Variants in PRKCQ observed in about 807,000 individuals in gnomAD.
PRKCQ encodes protein kinase C theta.
A neutral mutation model predicts 91.2 loss-of-function variants in PRKCQ; 41 were observed. The ratio of observed to expected loss-of-function variants is 0.45; its 90% confidence interval spans 0.35 to 0.58. The LOEUF is 0.58. Among genes scored for constraint, PRKCQ ranks in the 20% least tolerant of loss-of-function variants. The pLI is 0.00. For synonymous variants in PRKCQ, 307 were observed against 316.9 expected (o/e 0.97, Z 0.33); for missense variants, 673 against 896.5 (o/e 0.75, Z 3.18).
intron 15 of PRKCQ, among the ~76,000 whole-genome samples, chr10:6,447,887 G>C (rs1834410970): frequency 6.6e-6 from 1 of 152,288 alleles, no homozygotes; most frequent in South Asian, 2.1e-4. Context: ...ACACAAGAGA[G>C]GCTAACATTT....
the PRKCQ span, among the ~76,000 whole-genome samples, chr10:6,394,313 C>T: frequency 6.6e-6 from 1 of 152,334 alleles, no homozygotes; most frequent in African/African-American, 2.4e-5. Flanking sequence ...CCTGGCGCCT[C>T]TGCAGTCTGC....
rs1835030228 is a variant in PRKCQ, at chr10:6,456,749, T to A, written c.1572A>T (p.Gly524=). Reference sequence around the variant, plus strand: ...CTCCTAACATGTTCTCCTTGCACATTCCAAAATCCGCGATCTTGATATGTC... The same window carrying A: ...CTCCTAACATGTTCTCCTTGCACATACCAAAATCCGCGATCTTGATATGTC... ...KDGHIKIADF[G]MCKENMLGDA... Residue 524 remains glycine, a synonymous_variant, in exon 15 of 18, where the codon GGA becomes GGT. Coordinates refer to ENST00000263125, the MANE Select transcript of PRKCQ (RefSeq NM_006257.5). 6.2e-7 allele frequency: 1 copy of A among 1,614,130 alleles called. No homozygotes were observed. The highest frequency in any genetic ancestry group is 8.5e-7 in the Non-Finnish European group (1 of 1,179,992).
At chr10:6,443,450 T>C (rs1200822721) in intron 15 of PRKCQ, among the ~76,000 whole-genome samples, 1 of 152,232 alleles carries the variant, frequency 6.6e-6, no homozygotes, top group Admixed American at 6.5e-5. Flanking sequence ...GAAACTGTGC[T>C]ATATATACAC....
At chr10:6,478,658 T>C (rs974568976) in intron 12 of PRKCQ, among the ~76,000 whole-genome samples, 9 of 152,240 alleles carry the variant, frequency 5.9e-5, no homozygotes, top group African/African-American at 2.2e-4. Context: ...TTCCAGTACA[T>C]GCAGGGTAGA....
upstream of PRKCQ, chr10:6,580,319 G>A (rs1841431875): frequency 6.7e-6 from 1 of 148,334 alleles, no homozygotes; most frequent in Non-Finnish European, 1.5e-5. Flanking sequence ...GGGGCTGGCG[G>A]GGCTGGCGGG....
intron 5 of PRKCQ, 122 bp downstream of exon 5, chr10:6,498,274 A>T (rs1837723410): frequency 1.6e-6 from 2 of 1,287,544 alleles, no homozygotes; most frequent in East Asian, 4.7e-5. Context: ...GGTCCCTGAC[A>T]ACGCTGAGGT....
At chr10:6,525,356 T>TC (rs1467966069) in intron 1 of PRKCQ, among the ~76,000 whole-genome samples, 7 of 152,156 alleles carry the variant, frequency 4.6e-5, no homozygotes, top group African/African-American at 1.4e-4. Context: ...GACAGGCGGA[T>TC]CACCTGAGGT....
At chr10:6,547,823 C>CA (rs1410969235) in intron 1 of PRKCQ, among the ~76,000 whole-genome samples, 86 of 151,418 alleles carry the variant, frequency 5.7e-4, no homozygotes, top group African/African-American at 2.0e-3. Context: ...TAGGCATGGG[C>CA]AAGGACTTCA....
In PRKCQ at chr10:6,430,760, G is replaced by T; in HGVS notation, c.1965+50C>A. ...GTGACTTGGACAGGCAGACGGCCCT[G>T]AGCGGAGGGAGAGTGGCTGACACCA... On this transcript the variant is annotated intron_variant, in intron 17 of 17. Coordinates refer to ENST00000263125, the MANE Select transcript of PRKCQ (RefSeq NM_006257.5). This position sits in a 1 kb window ranked among gnomAD's most constrained non-coding sequence, Gnocchi z 4.7. 1 of 1,596,440 alleles carries T rather than the reference G, an allele frequency of 6.3e-7. No homozygotes were observed. The highest frequency in any genetic ancestry group is 8.5e-7 in the Non-Finnish European group (1 of 1,170,284).
At chr10:6,394,821 G>A in the PRKCQ span, among the ~76,000 whole-genome samples, 8 of 143,102 alleles carry the variant, frequency 5.6e-5, no homozygotes, top group Non-Finnish European at 1.2e-4. Flanking sequence ...AATAAGAATG[G>A]TTGAGAGGAA....
chr10:6,522,728 C>T (rs150600099), intron 1 of PRKCQ, among the ~76,000 whole-genome samples: 2 of 152,248 alleles, frequency 1.3e-5, no homozygotes, highest in African/African-American at 4.8e-5. Context: ...GGGAGAGTCT[C>T]ACAGAATTAA....
At chr10:6,519,471 C>G (rs992131539) in intron 1 of PRKCQ, among the ~76,000 whole-genome samples, 3 of 152,156 alleles carry the variant, frequency 2.0e-5, no homozygotes, top group Middle Eastern at 3.2e-3. Flanking sequence ...ACAGGAAAAG[C>G]CACACCCTTG....
chr10:6,447,193 G>A (rs1370614951), intron 15 of PRKCQ, among the ~76,000 whole-genome samples: 1 of 151,770 alleles, frequency 6.6e-6, no homozygotes, highest in South Asian at 2.1e-4. Flanking sequence ...CGGATCATGA[G>A]GTTAAGAGAT....
the PRKCQ span, among the ~76,000 whole-genome samples, chr10:6,404,366 GATTC>G: frequency 6.9e-6 from 1 of 145,052 alleles, no homozygotes; most frequent in Admixed American, 7.1e-5. Flanking sequence ...TCTGACAATG[GATTC>G]ATTCTTTCTT....
chr10:6,507,954 G>A (rs1838280447), intron 3 of PRKCQ, among the ~76,000 whole-genome samples: 1 of 152,124 alleles, frequency 6.6e-6, no homozygotes, highest in Non-Finnish European at 1.5e-5. Context: ...TTTTCTACCT[G>A]GGATGCATGT....
At chr10:6,539,682 C>A (rs1588399755) in intron 1 of PRKCQ, among the ~76,000 whole-genome samples, 1 of 152,068 alleles carries the variant, frequency 6.6e-6, no homozygotes, top group South Asian at 2.1e-4. Context: ...AAACCATTCC[C>A]CACCCCAGTC....
At chr10:6,480,369 T>C (rs186191689) in intron 11 of PRKCQ, among the ~76,000 whole-genome samples, 71 of 152,344 alleles carry the variant, frequency 4.7e-4, no homozygotes, top group Admixed American at 4.3e-3. Flanking sequence ...AAGATTTAAC[T>C]CCAAAATCTA....
intron 4 of PRKCQ, among the ~76,000 whole-genome samples, chr10:6,500,946 G>A (rs1837877764): frequency 2.0e-5 from 3 of 152,148 alleles, no homozygotes; most frequent in Non-Finnish European, 2.9e-5. Flanking sequence ...AATAGGCTCC[G>A]AGATATGTGT....
At chr10:6,451,933 C>A (rs1245439423) in intron 15 of PRKCQ, among the ~76,000 whole-genome samples, 2 of 152,042 alleles carry the variant, frequency 1.3e-5, no homozygotes, top group Non-Finnish European at 2.9e-5. Context: ...ATCTCAAAAT[C>A]ATAAGAGCTA....
Sources: gnomAD v4.1 joint callset for allele counts (sites outside exome capture counted in the v4.1 genomes callset) on GRCh38, gnomAD v4.1.1 for gene constraint, Gnocchi (gnomAD v3.1) non-coding constraint, MANE v1.5 for transcripts, NCBI Gene and HGNC (gene_info 2026-07-23, HGNC 2026-07-21) for gene names.